Variants in SULF1 observed in about 807,000 individuals in gnomAD.
SULF1 encodes sulfatase 1.
A neutral mutation model predicts 110.5 loss-of-function variants in SULF1; 46 were observed. That is an observed-to-expected ratio of 0.42 (90% CI 0.33 to 0.53). The LOEUF is 0.53. Among genes scored for constraint, SULF1 ranks in the 20% least tolerant of loss-of-function variants. SULF1 has a pLI of 0.12. For synonymous variants in SULF1, 371 were observed against 387.1 expected (o/e 0.96, Z 0.49); for missense variants, 941 against 1,094.2 (o/e 0.86, Z 1.98).
intron 3 of SULF1, among the ~76,000 whole-genome samples, chr8:69,526,843 G>A (rs200514739): frequency 0.055 from 3,729 of 67,684 alleles, 59 homozygotes; most frequent in Middle Eastern, 0.15. Flanking sequence ...GGAAGGAAGG[G>A]AGGAAGGAAG....
chr8:69,545,046 T>C (rs1174431242), intron 3 of SULF1, among the ~76,000 whole-genome samples: 1 of 151,754 alleles, frequency 6.6e-6, no homozygotes, highest in African/African-American at 2.4e-5. Flanking sequence ...TAATAAAATA[T>C]ACTTGAATCC....
At chr8:69,561,156 G>T (rs911171604) in intron 3 of SULF1, among the ~76,000 whole-genome samples, 2 of 152,170 alleles carry the variant, frequency 1.3e-5, no homozygotes, top group African/African-American at 4.8e-5. Context: ...TGATAAGCAT[G>T]TGAGGAGATA....
chr8:69,573,474 C>T (rs1338964501), intron 5 of SULF1, among the ~76,000 whole-genome samples: 2 of 152,166 alleles, frequency 1.3e-5, no homozygotes. Flanking sequence ...CGATTCAGAA[C>T]CTTGGATGAT....
rs1368738992 is a variant in SULF1, at chr8:69,571,309, G to A, written c.173-4661G>A. Among the ~76,000 whole-genome samples, 6 of 152,190 alleles carry A rather than the reference G, an allele frequency of 3.9e-5. No homozygotes were observed. In the East Asian group the frequency reaches 9.6e-4, roughly 24 times the overall value. ...TACAGGAAGTACTTGATGGCATCCTGCCGTTTGCTCAGCAACAACCTTGTA... is the reference window on the plus strand; with the variant it reads ...TACAGGAAGTACTTGATGGCATCCTACCGTTTGCTCAGCAACAACCTTGTA... On this transcript the variant is annotated intron_variant, in intron 5 of 22. Coordinates refer to ENST00000402687, the MANE Select transcript of SULF1 (RefSeq NM_001128205.2).
intron 3 of SULF1, among the ~76,000 whole-genome samples, chr8:69,534,464 A>G (rs1289694822): frequency 6.6e-6 from 1 of 152,198 alleles, no homozygotes; most frequent in Non-Finnish European, 1.5e-5. Context: ...GAAGAGGCCA[A>G]CTCTGAAGAA....
At chr8:69,643,640 GT>G (rs1451878794) in intron 22 of SULF1, among the ~76,000 whole-genome samples, 5 of 152,140 alleles carry the variant, frequency 3.3e-5, no homozygotes, top group Non-Finnish European at 5.9e-5. Flanking sequence ...CATAAAGCAA[GT>G]TTTTTTCTGT....
intron 12 of SULF1, among the ~76,000 whole-genome samples, chr8:69,604,255 C>A (rs917778714): frequency 1.3e-5 from 2 of 152,110 alleles, no homozygotes; most frequent in African/African-American, 4.8e-5. Context: ...CTAATCAGAC[C>A]AGTGGATTGA....
At chr8:69,572,434 A>G (rs533459180) in intron 5 of SULF1, among the ~76,000 whole-genome samples, 1 of 152,302 alleles carries the variant, frequency 6.6e-6, no homozygotes, top group South Asian at 2.1e-4. Context: ...TGCTCATGTG[A>G]AGCACTTAGA....
intron 13 of SULF1, among the ~76,000 whole-genome samples, chr8:69,616,100 C>G (rs973166450): frequency 7.3e-6 from 1 of 136,846 alleles, no homozygotes; most frequent in Non-Finnish European, 1.6e-5. Flanking sequence ...TATATATACA[C>G]ACATATATGT....
Position 69,576,170 on chromosome 8 carries a change from A to G in SULF1, c.373A>G (p.Thr125Ala), listed in dbSNP as rs1055622699. ...PSWQAMHEPR[T>A]FAVYLNNTGY... ...GTGGCAGGCCATGCATGAGCCTCGG[A>G]CTTTTGCTGTATATCTTAACAACAC... is the stretch of plus-strand genomic sequence containing the variant. The change falls in exon 6 of 23, where the codon ACT (threonine) becomes GCT (alanine). Residue 125 changes from threonine to alanine, a missense_variant. By Grantham distance (58) the Thr-to-Ala change is moderately conservative. Coordinates refer to ENST00000402687, the MANE Select transcript of SULF1 (RefSeq NM_001128205.2). 4 of 1,614,058 alleles carry G rather than the reference A, an allele frequency of 2.5e-6. No homozygotes were observed. The highest frequency in any genetic ancestry group is 1.3e-5 in the African/African-American group (1 of 74,926).
chr8:69,480,046 T>A (rs1809453244), intron 1 of SULF1, among the ~76,000 whole-genome samples: 3 of 152,152 alleles, frequency 2.0e-5, no homozygotes. Context: ...ATGGAAAATC[T>A]GTTCTAATTG....
intron 3 of SULF1, among the ~76,000 whole-genome samples, chr8:69,520,962 G>A (rs1418958899): frequency 1.3e-5 from 2 of 152,132 alleles, no homozygotes; most frequent in South Asian, 2.1e-4. Context: ...ATACATAGTA[G>A]TTACTAGAGA....
rs189849387 is a variant in SULF1 at position 69,626,442 on chromosome 8, G to T, written c.1851-768G>T. 1.4e-4 allele frequency among the ~76,000 whole-genome samples: 21 copies of T among 152,386 alleles called. No homozygotes were observed. The East Asian group carries it at 4.1e-3, about 29-fold the overall frequency. On this transcript the variant is annotated intron_variant, in intron 15 of 22. Coordinates refer to ENST00000402687, the MANE Select transcript of SULF1 (RefSeq NM_001128205.2). ...TTCACTTAGTGGATCCCGCACAGGG[G>T]CTGCAGGTGGAGCCGTCTGCCAGTC...
At chr8:69,550,114 A>G (rs1428919241) in intron 3 of SULF1, among the ~76,000 whole-genome samples, 3 of 151,236 alleles carry the variant, frequency 2.0e-5, no homozygotes, top group African/African-American at 7.3e-5. Context: ...GAAATTCTCT[A>G]GGCATACAAG....
chr8:69,660,637 A>G lies in SULF1; in HGVS notation c.*2102A>G, dbSNP rs1395168650. 4 of 152,768 alleles carry G rather than the reference A, an allele frequency of 2.6e-5. No homozygotes were observed. The highest frequency in any genetic ancestry group is 1.9e-4 in the East Asian group (1 of 5,190). The allele number at this position is 152,768 out of a possible 1,614,324, so 9.5% of individuals were successfully genotyped here. ...TCTTTTAAAGAAAATTTAATATGTT[A>G]TAGCTGAATCTTTTTGGTAACTTTA... On this transcript the variant is annotated 3_prime_UTR_variant, in exon 23 of 23. Transcript: ENST00000402687.
At chr8:69,551,716 C>T (rs1382828100) in intron 3 of SULF1, among the ~76,000 whole-genome samples, 1 of 152,230 alleles carries the variant, frequency 6.6e-6, no homozygotes, top group Non-Finnish European at 1.5e-5. Flanking sequence ...CTTCACTTTT[C>T]CTTTCGTTAG....
At chr8:69,548,614 A>ATT (rs3059933) in intron 3 of SULF1, among the ~76,000 whole-genome samples, 19,337 of 120,698 alleles carry the variant, frequency 0.16, 1,736 homozygotes, top group Middle Eastern at 0.2. Context: ...TGCCTCGCTG[A>ATT]TTTTTTTTTT....
At chr8:69,596,844 A>G (rs1365410501) in intron 8 of SULF1, among the ~76,000 whole-genome samples, 1 of 152,168 alleles carries the variant, frequency 6.6e-6, no homozygotes, top group African/African-American at 2.4e-5. Context: ...TACCTATGAG[A>G]ATGGGTATGA....
At chr8:69,592,732 T>G (rs908617010) in intron 8 of SULF1, among the ~76,000 whole-genome samples, 8 of 152,252 alleles carry the variant, frequency 5.3e-5, no homozygotes, top group African/African-American at 1.9e-4. Context: ...AACCTTTTTA[T>G]TAAGAAACTA....
Sources: allele counts gnomAD v4.1 joint callset (sites outside exome capture counted in the v4.1 genomes callset), GRCh38; gene constraint gnomAD v4.1.1; transcripts MANE v1.5; gene names NCBI Gene and HGNC (gene_info 2026-07-23, HGNC 2026-07-21).